OR7D4: variants seen among roughly 807,000 people sequenced by gnomAD.
The protein encoded by OR7D4 is olfactory receptor family 7 subfamily D member 4.
For missense variants in OR7D4, 319 were observed against 377.1 expected (o/e 0.85, Z 1.27); for synonymous variants, 154 against 158.4 (o/e 0.97, Z 0.21).
chr19:9,216,229 G>C (rs2051210098), intron 1 of OR7D4, among the ~76,000 whole-genome samples: 1 of 152,150 alleles, frequency 6.6e-6, no homozygotes. Context: ...TCCTGCCTCT[G>C]TGGCCTCCTT....
rs767877428 is a variant in OR7D4 at position 9,214,153 on chromosome 19, A to G, written c.685T>C (p.Ser229Pro). Residue 229 changes from serine to proline, a missense_variant, in exon 2 of 2, where the codon TCC becomes CCC. Physicochemically the swap from Ser to Pro is moderately conservative, Grantham distance 74 (BLOSUM62 -1). Coordinates refer to ENST00000641669, the MANE Select transcript of OR7D4 (RefSeq NM_001005191.3). Reference protein sequence around the residue: ...SQIVSSLMGMSSTKGKYKAFS... With the variant: ...SQIVSSLMGMPSTKGKYKAFS... Reference sequence around the variant, plus strand: ...GCTTTGTACTTGCCCTTGGTGGAGGACATTCCCATTAAGGAGGAGACAATC... The same window carrying G: ...GCTTTGTACTTGCCCTTGGTGGAGGGCATTCCCATTAAGGAGGAGACAATC... 6 of 1,614,008 alleles carry G rather than the reference A, an allele frequency of 3.7e-6. No individual in the cohort carries two copies. The African/African-American group carries it at 5.3e-5, about 14-fold the overall frequency.
Position 9,213,596 on chromosome 19 carries a change from G to A in OR7D4, c.*303C>T, listed in dbSNP as rs1433253069. 6.5e-6 allele frequency: 2 copies of A among 309,344 alleles called. No homozygotes were observed. Among genetic ancestry groups the A allele is most frequent in the Non-Finnish European group, 1.2e-5 (2 of 164,642 alleles). The allele number at this position is 309,344 out of a possible 1,614,324, so 19.2% of individuals were successfully genotyped here. A position where few individuals can be genotyped will look rare whatever the true frequency, so the allele number is the denominator to read the frequency against. ...CTACTAAAAATACAAAAATTAGCTG[G>A]CTGTGGTGGCACACACCTGTAATCT... is the stretch of plus-strand genomic sequence containing the variant. On this transcript the variant is annotated 3_prime_UTR_variant, in exon 2 of 2. Transcript: ENST00000641669.
intron 1 of OR7D4, among the ~76,000 whole-genome samples, chr19:9,215,341 CAAAAA>C (rs56111510): frequency 1.2e-5 from 1 of 83,126 alleles, no homozygotes; most frequent in African/African-American, 3.5e-5. Context: ...GACTCCGTCT[CAAAAA>C]AAAAAAAAAA....
At position 9,213,412 on chromosome 19, in the gene OR7D4, A is replaced by C. The variant is rs1356301288; in HGVS notation, c.*487T>G. The C allele has an allele frequency of 1.3e-5, 2 of 152,074 alleles. No homozygotes were observed. Among genetic ancestry groups the C allele is most frequent in the African/African-American group, 4.9e-5 (2 of 41,018 alleles). 9.4% of individuals were successfully genotyped at this position (152,074 alleles called of 1,614,324 possible). ...CTAACACAAAAACAAAAGCAAAATC[A>C]TAGTTGTTTTTGATTAAAAAAAAAA... On this transcript the variant is annotated 3_prime_UTR_variant, in exon 2 of 2. Coordinates refer to ENST00000641669, the MANE Select transcript of OR7D4 (RefSeq NM_001005191.3).
chr19:9,215,610 G>A (rs917187263), intron 1 of OR7D4, among the ~76,000 whole-genome samples: 2 of 151,866 alleles, frequency 1.3e-5, no homozygotes, highest in East Asian at 3.9e-4. Context: ...TAACTCTCAG[G>A]GCTTTCTTCC....
rs1206617046 is a variant in OR7D4, at chr19:9,214,136, C to T, written c.702G>A (p.Lys234=). The change falls in exon 2 of 2, where the codon AAG becomes AAA. Residue 234 remains lysine (K), a synonymous_variant. Coordinates refer to ENST00000641669, the MANE Select transcript of OR7D4 (RefSeq NM_001005191.3). ...SLMGMSSTKG[K]YKAFSTCGSH... The stretch of plus-strand genomic sequence containing the variant: ...ATCCACAGGTGGAAAAGGCTTTGTA[C>T]TTGCCCTTGGTGGAGGACATTCCCA... The T allele has an allele frequency of 5.6e-6, 9 of 1,614,140 alleles. No homozygotes were observed. The highest frequency in any genetic ancestry group is 1.3e-5 in the African/African-American group (1 of 75,046).
intron 1 of OR7D4, among the ~76,000 whole-genome samples, chr19:9,216,232 G>A (rs555512553): frequency 7.9e-4 from 120 of 152,210 alleles, no homozygotes; most frequent in African/African-American, 2.5e-3. Flanking sequence ...TGCCTCTGTG[G>A]CCTCCTTGTT....
Position 9,211,828 on chromosome 19 carries a change from GCTT to G in OR7D4, c.*2068_*2070del, listed in dbSNP as rs1379310190. 6.7e-6 allele frequency: 1 copy of G among 148,920 alleles called. No homozygotes were observed. Among genetic ancestry groups the G allele is most frequent in the Non-Finnish European group, 1.5e-5 (1 of 67,652 alleles). The allele number at this position is 148,920 out of a possible 1,614,324, so 9.2% of individuals were successfully genotyped here. A position where few individuals can be genotyped will look rare whatever the true frequency, so the allele number is the denominator to read the frequency against. Reference sequence around the variant, plus strand: ...AACATATTCTTCTCATGGAAGGCCTGCTTCTTCTTTATTTACATGGTTCATTCA... The same window carrying G: ...AACATATTCTTCTCATGGAAGGCCTGCTTCTTTATTTACATGGTTCATTCA... On this transcript the variant is annotated 3_prime_UTR_variant, in exon 2 of 2. Transcript: ENST00000641669.
At chr19:9,215,404 A>G (rs2051204997) in intron 1 of OR7D4, among the ~76,000 whole-genome samples, 1 of 150,268 alleles carries the variant, frequency 6.7e-6, no homozygotes, top group African/African-American at 2.4e-5. Flanking sequence ...TAATTCCCCC[A>G]TTTGTATCTA....
intron 1 of OR7D4, among the ~76,000 whole-genome samples, chr19:9,216,589 T>A (rs549555925): frequency 3.9e-5 from 6 of 152,182 alleles, no homozygotes; most frequent in Non-Finnish European, 8.8e-5. Context: ...TATGAACTTT[T>A]GTTCTTTTGC....
rs775480123 is a variant in OR7D4, at chr19:9,214,473, C to T, written c.365G>A (p.Arg122Gln). The change falls in exon 2 of 2, where the codon CGG becomes CAG. Residue 122 changes from arginine to glutamine, a missense_variant. Coordinates refer to ENST00000641669, the MANE Select transcript of OR7D4 (RefSeq NM_001005191.3). ...TFLLAVMAYD[R>Q]FVAICHPLHY... ...CAGTGGGTGGCAGATGGCCACAAACCGGTCATAGGCCATCACGGCCAGTAG... is the reference window on the plus strand; with the variant it reads ...CAGTGGGTGGCAGATGGCCACAAACTGGTCATAGGCCATCACGGCCAGTAG... 39 of 1,613,942 alleles carry T rather than the reference C, an allele frequency of 2.4e-5. No homozygotes were observed. Among genetic ancestry groups the T allele is most frequent in the Admixed American group, 5.0e-5 (3 of 59,988 alleles).
intron 1 of OR7D4, among the ~76,000 whole-genome samples, chr19:9,216,360 C>T (rs1005316313): frequency 2.0e-5 from 3 of 152,176 alleles, no homozygotes; most frequent in African/African-American, 7.2e-5. Context: ...GCCTCTGGTT[C>T]ACTGTGTAGG....
At position 9,214,038 on chromosome 19, in the gene OR7D4, G is replaced by GA; in HGVS notation, c.799dup (p.Ser267PhefsTer69). The GA allele has an allele frequency of 6.2e-7, 1 of 1,614,110 alleles. No homozygotes were observed. Among genetic ancestry groups the GA allele is most frequent in the Non-Finnish European group, 8.5e-7 (1 of 1,180,016 alleles). On this transcript the variant is annotated frameshift_variant, in exon 2 of 2. Coordinates refer to ENST00000641669, the MANE Select transcript of OR7D4 (RefSeq NM_001005191.3). LOFTEE classifies it low-confidence loss of function (END_TRUNC). ...TGAGGCGGTGGAGCTGCTCTGGGAA[G>GA]AATGGGTCACAGCAGAACTCAGATA...
At chr19:9,217,625 G>C (rs1363917977) in intron 1 of OR7D4, among the ~76,000 whole-genome samples, 1 of 152,112 alleles carries the variant, frequency 6.6e-6, no homozygotes, top group Non-Finnish European at 1.5e-5. Context: ...TGCAACCTCT[G>C]CCTCCCAGGT....
At chr19:9,217,056 A>G (rs1426649426) in intron 1 of OR7D4, among the ~76,000 whole-genome samples, 2 of 152,206 alleles carry the variant, frequency 1.3e-5, no homozygotes, top group East Asian at 1.9e-4. Flanking sequence ...CTCTCAACTC[A>G]TGAAGATCCC....
chr19:9,217,570 G>T (rs923074101), intron 1 of OR7D4, among the ~76,000 whole-genome samples: 3 of 152,032 alleles, frequency 2.0e-5, no homozygotes, highest in Non-Finnish European at 4.4e-5. Context: ...ATGGAATCTC[G>T]ATCTGTTGCC....
chr19:9,218,689 T>C (rs1395319665), intron 1 of OR7D4, among the ~76,000 whole-genome samples: 1 of 151,994 alleles, frequency 6.6e-6, no homozygotes, highest in Admixed American at 6.6e-5. Flanking sequence ...GAGTGCGGGG[T>C]GCAGTCTCAG....
In OR7D4 at chr19:9,212,078, T is replaced by C. The variant is rs566340608; in HGVS notation, c.*1821A>G. ...AACATTTTTAATTTTTGTGCGTAGA[T>C]AGTAGCTGTATATATTTATGGGGTA... On this transcript the variant is annotated 3_prime_UTR_variant, in exon 2 of 2. Coordinates refer to ENST00000641669, the MANE Select transcript of OR7D4 (RefSeq NM_001005191.3). 6.6e-6 allele frequency: 1 copy of C among 152,260 alleles called. No homozygotes were observed. The highest frequency in any genetic ancestry group is 6.5e-5 in the Admixed American group (1 of 15,274). The allele number at this position is 152,260 out of a possible 1,614,324, so 9.4% of individuals were successfully genotyped here.
Position 9,215,518 on chromosome 19 carries a change from T to C in OR7D4, c.-13-668A>G, listed in dbSNP as rs185770505. The stretch of plus-strand genomic sequence containing the variant: ...CCCATGCTTCCTTCATTCTAATAGA[T>C]GTACAATAGTTATTAAGTTGTGGAT... On this transcript the variant is annotated intron_variant, in intron 1 of 1. Transcript: ENST00000641669. Among the ~76,000 whole-genome samples, 33 of 152,290 alleles carry C rather than the reference T, an allele frequency of 2.2e-4. No homozygotes were observed. The East Asian group carries it at 5.8e-3, about 27-fold the overall frequency.
Sources: gnomAD v4.1 joint callset for allele counts (sites outside exome capture counted in the v4.1 genomes callset) on GRCh38, gnomAD v4.1.1 for gene constraint, MANE v1.5 for transcripts, NCBI Gene and HGNC (gene_info 2026-07-23, HGNC 2026-07-21) for gene names.